The following UTRN variants were observed in gnomAD, a reference collection of about 807,000 sequenced individuals.
The protein encoded by UTRN is utrophin, also known as dystrophin-related protein 1.
Under a neutral mutation model 463.9 loss-of-function variants are expected in UTRN, and 283 were observed. That is an observed-to-expected ratio of 0.61 (90% CI 0.55 to 0.67). The LOEUF is 0.67. Among genes scored for constraint, UTRN ranks in the 30% least tolerant of loss-of-function variants. UTRN has a pLI of 0.00. For synonymous variants in UTRN, 1,442 were observed against 1,431.5 expected (o/e 1.01, Z -0.17); for missense variants, 3,922 against 4,084.3 (o/e 0.96, Z 1.08).
intron 18 of UTRN, 63 bp from the exon 19 acceptor site, chr6:144,453,719 A>C: frequency 6.9e-7 from 1 of 1,454,982 alleles, no homozygotes; most frequent in Non-Finnish European, 9.5e-7. Flanking sequence ...TAAACATTTA[A>C]AACAGCAACA....
At position 144,285,784 on chromosome 6, in the gene UTRN, G is replaced by C. The variant is rs1803606911; in HGVS notation, c.-130G>C. On this transcript the variant is annotated 5_prime_UTR_variant, in exon 1 of 75. Coordinates refer to ENST00000367545, the MANE Select transcript of UTRN (RefSeq NM_007124.3). ...GCCCTTGGCCAGCTCGGGGTGCGGC[G>C]GTGGCGACCGGCAGGCGAGGAGGCC... The C allele has an allele frequency of 6.6e-6, 1 of 152,562 alleles. No homozygotes were observed. The highest frequency in any genetic ancestry group is 6.5e-5 in the Admixed American group (1 of 15,284). 9.5% of individuals were successfully genotyped at this position (152,562 alleles called of 1,614,324 possible).
chr6:144,301,536 CTTTT>C (rs200484231), intron 2 of UTRN, among the ~76,000 whole-genome samples: 16,507 of 91,614 alleles, frequency 0.18, 904 homozygotes, highest in Middle Eastern at 0.3. Flanking sequence ...TTCTTTCTTT[CTTTT>C]TTTTTTTTTT....
chr6:144,714,441 A>G (rs181106184), intron 53 of UTRN, among the ~76,000 whole-genome samples: 2 of 152,244 alleles, frequency 1.3e-5, no homozygotes, highest in Non-Finnish European at 2.9e-5. Context: ...CAATACCTCT[A>G]TTTGTTATAA....
At chr6:144,801,498 G>A (rs1264819758) in intron 64 of UTRN, among the ~76,000 whole-genome samples, 1 of 151,988 alleles carries the variant, frequency 6.6e-6, no homozygotes, top group African/African-American at 2.4e-5. Flanking sequence ...ACTTCATTCA[G>A]ACTGTCTTTC....
chr6:144,816,036 A>G (rs1459863334), intron 65 of UTRN, among the ~76,000 whole-genome samples: 2 of 152,172 alleles, frequency 1.3e-5, no homozygotes, highest in Non-Finnish European at 2.9e-5. Context: ...GCCAAATACC[A>G]CTAATTGTCT....
intron 3 of UTRN, among the ~76,000 whole-genome samples, chr6:144,414,129 T>TAA (rs568501267): frequency 6.3e-5 from 9 of 143,910 alleles, no homozygotes; most frequent in African/African-American, 1.3e-4. Flanking sequence ...TCCTACTCAT[T>TAA]AAAAAAAAAA....
chr6:144,692,510 C>A (rs1281425334), intron 52 of UTRN, among the ~76,000 whole-genome samples: 1 of 152,214 alleles, frequency 6.6e-6, no homozygotes, highest in Non-Finnish European at 1.5e-5. Context: ...CTCCAACCAA[C>A]AGTGTAAAAG....
chr6:144,485,029 C>T (rs1324006785), intron 27 of UTRN, among the ~76,000 whole-genome samples: 2 of 151,992 alleles, frequency 1.3e-5, no homozygotes, highest in Non-Finnish European at 2.9e-5. Context: ...ATTCTCCTGC[C>T]TCCTCCAGAG....
At chr6:144,291,344 C>T (rs1166917866) in intron 1 of UTRN, among the ~76,000 whole-genome samples, 2 of 152,246 alleles carry the variant, frequency 1.3e-5, no homozygotes, top group African/African-American at 4.8e-5. Context: ...TACCTTTTCT[C>T]TTTCTGTTTC....
intron 53 of UTRN, among the ~76,000 whole-genome samples, chr6:144,722,196 T>C (rs756606737): frequency 1.3e-5 from 2 of 152,192 alleles, no homozygotes; most frequent in Non-Finnish European, 2.9e-5. Flanking sequence ...CTCACTCAGC[T>C]CTGAGAGCAC....
chr6:144,639,625 T>A (rs1369545573), intron 51 of UTRN, among the ~76,000 whole-genome samples: 1 of 152,228 alleles, frequency 6.6e-6, no homozygotes, highest in Non-Finnish European at 1.5e-5. Flanking sequence ...CTTGAATACA[T>A]TGTTTCTCTT....
At chr6:144,329,485 T>C (rs1776195436) in intron 2 of UTRN, among the ~76,000 whole-genome samples, 1 of 152,200 alleles carries the variant, frequency 6.6e-6, no homozygotes, top group Non-Finnish European at 1.5e-5. Context: ...GCTGTTTCAT[T>C]AGTGTGTTCA....
intron 43 of UTRN, 34 bp downstream of exon 43, chr6:144,533,294 G>A: frequency 6.2e-7 from 1 of 1,605,654 alleles, no homozygotes; most frequent in Non-Finnish European, 8.5e-7. Flanking sequence ...AGGCACAGGA[G>A]TGAACATATT....
intron 64 of UTRN, among the ~76,000 whole-genome samples, chr6:144,801,905 A>T (rs996581123): frequency 2.6e-5 from 4 of 152,122 alleles, no homozygotes; most frequent in Non-Finnish European, 4.4e-5. Flanking sequence ...AAGAGGCAGC[A>T]TGCCTCTTCC....
In UTRN at chr6:144,347,837, G is replaced by GTTTTTTTTTTTTTTTTTTTTTTTTT. The variant is rs560581181; in HGVS notation, c.80-55274_80-55273insTTTTTTTTTTTTTTTTTTTTTTTTT. The stretch of plus-strand genomic sequence containing the variant: ...TCTCCTGAACTGTGGCTTATTCTTT[G>GTTTTTTTTTTTTTTTTTTTTTTTTT]TTTTTTTTTTTTGTTTTTTTTTTTG... On this transcript the variant is annotated intron_variant, in intron 2 of 74. Coordinates refer to ENST00000367545, the MANE Select transcript of UTRN (RefSeq NM_007124.3). 1.7e-4 allele frequency among the ~76,000 whole-genome samples: 22 copies of GTTTTTTTTTTTTTTTTTTTTTTTTT among 128,910 alleles called. 3 individuals carry two copies. The highest frequency in any genetic ancestry group is 6.8e-4 in the African/African-American group (20 of 29,478). 84.6% of individuals were successfully genotyped at this position (128,910 alleles called of 152,430 possible).
intron 9 of UTRN, among the ~76,000 whole-genome samples, chr6:144,433,562 C>A (rs1445785538): frequency 6.7e-6 from 1 of 148,986 alleles, no homozygotes; most frequent in African/African-American, 2.5e-5. Context: ...GGCTGCCGGG[C>A]GGAGGGGCTC....
Position 144,516,954 on chromosome 6 carries a change from A to T in UTRN, c.5541+6A>T, listed in dbSNP as rs201094025. 284 of 1,461,662 alleles carry T rather than the reference A, an allele frequency of 1.9e-4. No individual in the cohort carries two copies. Among genetic ancestry groups the T allele is most frequent in the Non-Finnish European group, 2.5e-4 (277 of 1,110,820 alleles). The allele number at this position is 1,461,662 out of a possible 1,614,324, so 90.5% of individuals were successfully genotyped here. On this transcript the variant is annotated splice_donor_region_variant and intron_variant, in intron 39 of 74. Transcript: ENST00000367545. ...CTAGATACAACAAAATTAAGGTATT[A>T]TGATTGGAGAGTCTCTGTTGCATTT...
intron 51 of UTRN, among the ~76,000 whole-genome samples, chr6:144,627,450 A>C (rs1046931107): frequency 1.3e-5 from 2 of 152,190 alleles, no homozygotes; most frequent in South Asian, 2.1e-4. Flanking sequence ...CTTTTTAAAA[A>C]CTATGGTGAA....
intron 8 of UTRN, 105 bp from the exon 9 acceptor site, chr6:144,429,476 T>C (rs1584748882): frequency 2.1e-6 from 2 of 966,870 alleles, no homozygotes; most frequent in East Asian, 5.2e-5. Flanking sequence ...ATATATTAGG[T>C]ATTGTTTATG....
Sources: allele counts gnomAD v4.1 joint callset (sites outside exome capture counted in the v4.1 genomes callset), GRCh38; gene constraint gnomAD v4.1.1; transcripts MANE v1.5; gene names NCBI Gene and HGNC (gene_info 2026-07-23, HGNC 2026-07-21).